Variants in MED26 observed in about 807,000 individuals in gnomAD.
MED26 encodes mediator complex subunit 26, also known as mediator of RNA polymerase II transcription subunit 26.
A neutral mutation model predicts 43.7 loss-of-function variants in MED26; 7 were observed. The ratio of observed to expected loss-of-function variants is 0.16; its 90% CI spans 0.09 to 0.30. The LOEUF (loss-of-function observed/expected upper bound fraction) is 0.30, where lower values mean the gene tolerates loss of function less well. Among genes scored for constraint, MED26 ranks in the 10% least tolerant of loss-of-function variants. The pLI is 1.00. For missense variants in MED26, 784 were observed against 840.6 expected, an observed-to-expected ratio of 0.93 and a Z score of 0.83; for synonymous variants, 375 against 371.1, an observed-to-expected ratio of 1.01 and a Z score of -0.12.
intron 1 of MED26, chr19:16,588,197 G>GT: frequency 6.6e-6 from 1 of 152,384 alleles, no homozygotes; most frequent in African/African-American, 2.4e-5. Flanking sequence ...CGGAGTCCTG[G>GT]TGATAGCACG....
chr19:16,584,255 AAAAAAG>A (rs1435267577), intron 1 of MED26, among the ~76,000 whole-genome samples: 1 of 151,810 alleles, frequency 6.6e-6, no homozygotes, highest in African/African-American at 2.4e-5. Context: ...TCCGTCTCAA[AAAAAAG>A]AAAAAGAAAA....
chr19:16,590,750 T>G (rs916045960), intron 1 of MED26, among the ~76,000 whole-genome samples: 41 of 152,312 alleles, frequency 2.7e-4, no homozygotes, highest in Middle Eastern at 3.4e-3. Flanking sequence ...TCAATAAAGC[T>G]ATTAATGTCA....
Position 16,576,216 on chromosome 19 carries a change from C to A in MED26, c.1614G>T (p.Thr538=). The A allele has an allele frequency of 1.2e-6, 2 of 1,611,868 alleles. No individual in the cohort carries two copies. The highest frequency in any genetic ancestry group is 8.5e-7 in the Non-Finnish European group (1 of 1,179,996). ...CCTCCCGGGTCAGACCAGGGAGGTC[C>A]GTGGGCGGGCTTTGAGGCACCAGCA... ...LHVLVPQSPP[T]DLPGLTREVT... is the part of the protein sequence containing the mutation. The change falls in exon 3 of 3, where the codon ACG becomes ACT. Residue 538 remains threonine (T), a synonymous_variant. Coordinates refer to ENST00000263390, the MANE Select transcript of MED26 (RefSeq NM_004831.5). The surrounding 1 kb of genome is among the most constrained non-coding windows in gnomAD (Gnocchi z 6.8).
At chr19:16,625,870 T>C (rs1206002405) in intron 1 of MED26, among the ~76,000 whole-genome samples, 1 of 152,176 alleles carries the variant, frequency 6.6e-6, no homozygotes, top group Non-Finnish European at 1.5e-5. Context: ...TCATTGTTCA[T>C]AGTCAAGAAG....
At chr19:16,580,454 C>T (rs893818246) in intron 1 of MED26, among the ~76,000 whole-genome samples, 9 of 151,976 alleles carry the variant, frequency 5.9e-5, no homozygotes, top group South Asian at 4.1e-4. Context: ...CTGCAACCTC[C>T]GTCTCCTGGG....
At position 16,627,952 on chromosome 19, in the gene MED26, C is replaced by A. The variant is rs1223886651; in HGVS notation, c.-9G>T. ...GCCGGAGCCGCTGTCATTGCCTGGG[C>A]GAGGCGGGGGGTTGCGGCCGGGCCA... On this transcript the variant is annotated 5_prime_UTR_variant, in exon 1 of 3. Coordinates refer to ENST00000263390, the MANE Select transcript of MED26 (RefSeq NM_004831.5). The A allele has an allele frequency of 1.4e-6, 2 of 1,454,990 alleles. No individual in the cohort carries two copies. The highest frequency in any genetic ancestry group is 1.5e-5 in the African/African-American group (1 of 68,274). The allele number at this position is 1,454,990 out of a possible 1,614,324, so 90.1% of individuals were successfully genotyped here. A position where few individuals can be genotyped will look rare whatever the true frequency, so the allele number is the denominator to read the frequency against.
At chr19:16,596,159 A>G (rs1193575765) in intron 1 of MED26, among the ~76,000 whole-genome samples, 2 of 152,190 alleles carry the variant, frequency 1.3e-5, no homozygotes, top group East Asian at 1.9e-4. Flanking sequence ...ATTACAGGCA[A>G]GCCACTGTGC....
At chr19:16,595,047 T>C (rs1003099728) in intron 1 of MED26, among the ~76,000 whole-genome samples, 12 of 152,120 alleles carry the variant, frequency 7.9e-5, no homozygotes, top group African/African-American at 2.9e-4. Flanking sequence ...CTTCCTCCAC[T>C]TGGGGCTCCT....
At chr19:16,602,605 G>A (rs909973334) in intron 1 of MED26, among the ~76,000 whole-genome samples, 5 of 152,182 alleles carry the variant, frequency 3.3e-5, no homozygotes, top group African/African-American at 1.2e-4. Context: ...AAGTGTTCAG[G>A]AACAGATGAA....
chr19:16,598,117 C>T (rs139785426), intron 1 of MED26, among the ~76,000 whole-genome samples: 13,536 of 151,198 alleles, frequency 0.09, 644 homozygotes, highest in South Asian at 0.13. Context: ...GGTGGATCAC[C>T]TGAGGTCAGG....
At chr19:16,591,323 A>G (rs2086096667) in intron 1 of MED26, among the ~76,000 whole-genome samples, 1 of 151,872 alleles carries the variant, frequency 6.6e-6, no homozygotes. Flanking sequence ...GACTGTAAGG[A>G]CTGAAAGATA....
chr19:16,617,245 C>T (rs2086230498), intron 1 of MED26, among the ~76,000 whole-genome samples: 1 of 152,172 alleles, frequency 6.6e-6, no homozygotes, highest in Non-Finnish European at 1.5e-5. Context: ...CCTAACGTGC[C>T]CCCTCCCCAT....
chr19:16,592,873 G>A (rs2086104251), intron 1 of MED26, among the ~76,000 whole-genome samples: 1 of 152,220 alleles, frequency 6.6e-6, no homozygotes, highest in Non-Finnish European at 1.5e-5. Context: ...GCCCTGGAAT[G>A]CAACTGTTCC....
rs986497127 is a variant in MED26, at chr19:16,587,183, G to T, written c.73-8774C>A. ...GGTGAATCAAACAGGGCTTTGCTGG[G>T]AGAGTGTGTGTCTGTGATTTGGTTC... On this transcript the variant is annotated intron_variant, in intron 1 of 2. Transcript: ENST00000263390. The surrounding 1 kb of genome is among the most constrained non-coding windows in gnomAD (Gnocchi z 4.9). The T allele has an allele frequency of 6.6e-6, 1 of 152,034 alleles. No individual in the cohort carries two copies. Among genetic ancestry groups the T allele is most frequent in the Non-Finnish European group, 1.5e-5 (1 of 68,006 alleles). 9.4% of individuals were successfully genotyped at this position (152,034 alleles called of 1,614,324 possible). A position where few individuals can be genotyped will look rare whatever the true frequency, so the allele number is the denominator to read the frequency against.
chr19:16,607,993 G>A (rs565775475), intron 1 of MED26, among the ~76,000 whole-genome samples: 1 of 152,396 alleles, frequency 6.6e-6, no homozygotes, highest in Admixed American at 6.5e-5. Flanking sequence ...ATCTGGACAA[G>A]GAACCTGTCT....
chr19:16,578,192 G>A (rs1382721777), intron 2 of MED26, 143 bp downstream of exon 2: 1 of 792,926 alleles, frequency 1.3e-6, no homozygotes, highest in Non-Finnish European at 2.2e-6. Context: ...AGATCGCGAG[G>A]CACGAGCTGT....
In MED26 at chr19:16,594,788, C is replaced by T. The variant is rs142393314; in HGVS notation, c.73-16379G>A. Among the ~76,000 whole-genome samples the T allele has an allele frequency of 6.3e-3, 958 of 152,274 alleles. 14 individuals carry two copies. The highest frequency in any genetic ancestry group is 0.021 in the African/African-American group (874 of 41,528). ...AAGTGCTGACAGTCAACCACAGCCA[C>T]AGAAAATGCAACAGTGCAATTAAGG... On this transcript the variant is annotated intron_variant, in intron 1 of 2. Transcript: ENST00000263390.
chr19:16,581,685 G>A (rs940004179), intron 1 of MED26, among the ~76,000 whole-genome samples: 2 of 152,238 alleles, frequency 1.3e-5, no homozygotes, highest in Admixed American at 6.5e-5. Context: ...AATCACCGCT[G>A]AACTAACAGC....
At chr19:16,600,508 C>T (rs1428864330) in intron 1 of MED26, among the ~76,000 whole-genome samples, 2 of 152,162 alleles carry the variant, frequency 1.3e-5, no homozygotes, top group Non-Finnish European at 2.9e-5. Context: ...CCTGCCTCTC[C>T]CCACAGACCC....
Sources: allele counts gnomAD v4.1 joint callset (sites outside exome capture counted in the v4.1 genomes callset), GRCh38; gene constraint gnomAD v4.1.1; non-coding constraint Gnocchi (gnomAD v3.1); transcripts MANE v1.5; gene names NCBI Gene and HGNC (gene_info 2026-07-23, HGNC 2026-07-21).